The following MTUS2 variants were observed in gnomAD, a reference collection of about 807,000 sequenced individuals.
MTUS2 encodes microtubule-associated tumor suppressor candidate 2.
A neutral mutation model predicts 114.1 loss-of-function variants in MTUS2; 40 were observed. The ratio of observed to expected loss-of-function variants is 0.35; its 90% CI spans 0.27 to 0.46. The LOEUF (loss-of-function observed/expected upper bound fraction) is 0.46, where lower values mean the gene tolerates loss of function less well. Ranked by LOEUF, MTUS2 falls within the 20% of genes least tolerant of loss-of-function variation. MTUS2 has a pLI of 1.00. For synonymous variants in MTUS2, 688 were observed against 672.0 expected (o/e 1.02, Z -0.37); for missense variants, 1,679 against 1,705.4 (o/e 0.98, Z 0.27).
chr13:28,999,802 C>G (rs1330583231), intron 2 of MTUS2, among the ~76,000 whole-genome samples: 7 of 152,194 alleles, frequency 4.6e-5, no homozygotes, highest in African/African-American at 7.2e-5. Context: ...CCTCTGGTAA[C>G]CACTATTTTA....
chr13:29,258,629 T>C (rs1390646989), intron 5 of MTUS2, among the ~76,000 whole-genome samples: 1 of 152,258 alleles, frequency 6.6e-6, no homozygotes, highest in African/African-American at 2.4e-5. Context: ...ATAAACATTT[T>C]CTTTTTTGGG....
intron 7 of MTUS2, among the ~76,000 whole-genome samples, chr13:29,347,629 G>A (rs559706757): frequency 9.2e-5 from 14 of 151,990 alleles, no homozygotes; most frequent in Middle Eastern, 3.4e-3. Flanking sequence ...GACGCCACCT[G>A]AGTGTCCTAC....
At chr13:28,997,599 G>A (rs1297871914) in intron 2 of MTUS2, among the ~76,000 whole-genome samples, 1 of 152,098 alleles carries the variant, frequency 6.6e-6, no homozygotes, top group Non-Finnish European at 1.5e-5. Flanking sequence ...ATATATTTAG[G>A]ATAGTTAGCT....
intron 11 of MTUS2, among the ~76,000 whole-genome samples, chr13:29,490,464 A>G (rs1252016687): frequency 6.6e-6 from 1 of 152,246 alleles, no homozygotes; most frequent in African/African-American, 2.4e-5. Context: ...GATGGGCTTC[A>G]CCCAGCTAAT....
At chr13:28,920,709 A>G (rs1880994236) in intron 2 of MTUS2, among the ~76,000 whole-genome samples, 1 of 152,208 alleles carries the variant, frequency 6.6e-6, no homozygotes, top group South Asian at 2.1e-4. Context: ...TTAGAGTCAA[A>G]AAGCCTAGAT....
chr13:29,131,787 A>G (rs1211325540), intron 5 of MTUS2, among the ~76,000 whole-genome samples: 2 of 152,268 alleles, frequency 1.3e-5, no homozygotes, highest in African/African-American at 2.4e-5. Context: ...AAAGCAACAC[A>G]TGCTCACTGT....
intron 2 of MTUS2, among the ~76,000 whole-genome samples, chr13:28,938,943 A>G (rs1390084137): frequency 1.3e-5 from 2 of 152,184 alleles, no homozygotes; most frequent in Non-Finnish European, 2.9e-5. Flanking sequence ...GGTATGTGAT[A>G]GTAGGTGGAC....
intron 6 of MTUS2, among the ~76,000 whole-genome samples, chr13:29,315,072 G>A (rs1433249725): frequency 1.3e-5 from 2 of 152,106 alleles, no homozygotes; most frequent in African/African-American, 4.8e-5. Flanking sequence ...AGCCAGGCAC[G>A]GAAAGCCAGA....
intron 5 of MTUS2, among the ~76,000 whole-genome samples, chr13:29,140,754 C>T (rs1035896312): frequency 1.3e-5 from 2 of 152,110 alleles, no homozygotes; most frequent in Non-Finnish European, 1.5e-5. Context: ...AGTCATTAGC[C>T]GTATTTTCAG....
chr13:28,903,241 T>C (rs570888147), intron 2 of MTUS2, among the ~76,000 whole-genome samples: 1 of 152,036 alleles, frequency 6.6e-6, no homozygotes, highest in African/African-American at 2.4e-5. Context: ...CAGTTGACAG[T>C]TCTTTTCTTT....
At chr13:29,169,878 C>G (rs887317701) in intron 5 of MTUS2, among the ~76,000 whole-genome samples, 7 of 152,212 alleles carry the variant, frequency 4.6e-5, no homozygotes, top group Non-Finnish European at 1.0e-4. Context: ...TGACATTTTG[C>G]ATCTGCCTTT....
intron 5 of MTUS2, among the ~76,000 whole-genome samples, chr13:29,172,570 A>G (rs917834611): frequency 6.6e-6 from 1 of 152,200 alleles, no homozygotes; most frequent in Non-Finnish European, 1.5e-5. Flanking sequence ...AGGACTCTTG[A>G]CTCTGGCTGA....
At chr13:29,126,054 C>T (rs887668483) in intron 5 of MTUS2, among the ~76,000 whole-genome samples, 1 of 152,096 alleles carries the variant, frequency 6.6e-6, no homozygotes, top group African/African-American at 2.4e-5. Context: ...AACAGACTAT[C>T]TGGAGTAGAC....
chr13:29,157,872 G>A lies in MTUS2; in HGVS notation c.2644+56902G>A, dbSNP rs114591347. Among the ~76,000 whole-genome samples the A allele has an allele frequency of 8.0e-3, 1,218 of 152,148 alleles. 12 individuals are homozygous for A. The highest frequency in any genetic ancestry group is 0.027 in the African/African-American group (1,139 of 41,490). Reference sequence around the variant, plus strand: ...GATCGATCATGATTCATCAAACAAGGTAGAAAAGCTCAACACTGGGCATAG... The same window carrying A: ...GATCGATCATGATTCATCAAACAAGATAGAAAAGCTCAACACTGGGCATAG... On this transcript the variant is annotated intron_variant, in intron 5 of 15. Coordinates refer to ENST00000612955, the MANE Select transcript of MTUS2 (RefSeq NM_001033602.4).
intron 8 of MTUS2, 124 bp downstream of exon 8, chr13:29,359,597 T>A (rs966892052): frequency 3.0e-5 from 31 of 1,050,268 alleles, no homozygotes; most frequent in Admixed American, 2.4e-4. Flanking sequence ...AGTTTGGATT[T>A]TCAGGAGTTC....
intron 4 of MTUS2, among the ~76,000 whole-genome samples, chr13:29,036,299 T>A (rs2138531782): frequency 6.6e-6 from 1 of 152,314 alleles, no homozygotes; most frequent in Non-Finnish European, 1.5e-5. Context: ...AAGACTCAAA[T>A]TCAGAAAGCT....
chr13:29,007,394 A>G (rs1008662624), intron 2 of MTUS2, among the ~76,000 whole-genome samples: 2 of 152,228 alleles, frequency 1.3e-5, no homozygotes, highest in African/African-American at 4.8e-5. Flanking sequence ...CATTCTAAGA[A>G]GATGCTCTGT....
chr13:29,091,030 G>C (rs916638876), intron 4 of MTUS2, among the ~76,000 whole-genome samples: 1 of 152,030 alleles, frequency 6.6e-6, no homozygotes, highest in Non-Finnish European at 1.5e-5. Flanking sequence ...TTGCCACTTG[G>C]GACCCACAGT....
chr13:29,088,080 A>T (rs4002226), intron 4 of MTUS2, among the ~76,000 whole-genome samples: 97,600 of 149,236 alleles, frequency 0.65, 32,846 homozygotes, highest in Non-Finnish European at 0.75. Flanking sequence ...AAAAAAAAAA[A>T]AAGAATTTTC....
Sources: allele counts gnomAD v4.1 joint callset (sites outside exome capture counted in the v4.1 genomes callset), GRCh38; gene constraint gnomAD v4.1.1; transcripts MANE v1.5; gene names NCBI Gene and HGNC (gene_info 2026-07-23, HGNC 2026-07-21).